The following CIDEB variants were observed in gnomAD, a reference collection of about 807,000 sequenced individuals.
The protein encoded by CIDEB is lipid transferase CIDEB.
In CIDEB, 27 loss-of-function variants were observed where a neutral mutation model predicts 22.4. The ratio of observed to expected loss-of-function variants is 1.21; its 90% CI spans 0.89 to 1.66. The LOEUF (loss-of-function observed/expected upper bound fraction) is 1.66. Among genes scored for constraint, CIDEB ranks in the 40% most tolerant of loss-of-function variants. The pLI, the probability that CIDEB is intolerant of heterozygous loss-of-function variation, is 0.00. For synonymous variants in CIDEB, 103 were observed against 109.5 expected (o/e 0.94, Z 0.37); for missense variants, 289 against 268.7 (o/e 1.08, Z -0.53).
chr14:24,307,784 A>C, intron 1 of CIDEB, 34 bp downstream of exon 1: 2 of 1,576,170 alleles, frequency 1.3e-6, no homozygotes, highest in Non-Finnish European at 1.7e-6. Context: ...ATATCCCCTA[A>C]AGGTGGAGGG....
chr14:24,306,043 C>T lies in CIDEB; in HGVS notation c.431G>A (p.Arg144Gln), dbSNP rs146036691. Residue 144 changes from arginine (R) to glutamine (Q), a missense_variant, in exon 4 of 5, where the codon CGA (arginine) becomes CAA (glutamine). By Grantham distance (43) the Arg-to-Gln change is conservative. Transcript: ENST00000554411. The stretch of plus-strand genomic sequence containing the variant: ...GACATTCAGGCTGCCAAAGAGGTCT[C>T]GAGGGTTTTGCTTGTACACGTCAAA... Reference protein sequence around the residue: ...FTFDVYKQNPRDLFGSLNVKA... With the variant: ...FTFDVYKQNPQDLFGSLNVKA... The T allele has an allele frequency of 5.0e-6, 8 of 1,614,146 alleles. No homozygotes were observed. Among genetic ancestry groups the T allele is most frequent in the East Asian group, 4.5e-5 (2 of 44,882 alleles).
chr14:24,310,172 C>T, upstream of CIDEB: 1 of 301,948 alleles, frequency 3.3e-6, no homozygotes, highest in Non-Finnish European at 6.3e-6. Context: ...ATGTGATAGG[C>T]ACAGGACAGG....
upstream of CIDEB, chr14:24,310,836 G>T (rs537147788): frequency 6.3e-7 from 1 of 1,595,280 alleles, no homozygotes; most frequent in East Asian, 2.2e-5. Flanking sequence ...ACCGCTGGCG[G>T]CCACGCTTGT....
rs1232822490 is a variant in CIDEB, at chr14:24,305,407, A to G, written c.*226T>C. ...ATCTTGGCCTTTCAGGGCAAGTGGG[A>G]GGCCAGAAAGGTGGCTAGGAAAGAA... On this transcript the variant is annotated 3_prime_UTR_variant, in exon 5 of 5. Coordinates refer to ENST00000554411, the MANE Select transcript of CIDEB (RefSeq NM_001393339.1). 3 of 602,162 alleles carry G rather than the reference A, an allele frequency of 5.0e-6. No individual in the cohort carries two copies. The highest frequency in any genetic ancestry group is 6.0e-5 in the East Asian group (2 of 33,234). The allele number at this position is 602,162 out of a possible 1,614,324, so 37.3% of individuals were successfully genotyped here. A position where few individuals can be genotyped will look rare whatever the true frequency, so the allele number is the denominator to read the frequency against.
chr14:24,305,831 G>A, intron 4 of CIDEB, 66 bp from the exon 5 acceptor site: 1 of 1,596,980 alleles, frequency 6.3e-7, no homozygotes, highest in South Asian at 1.1e-5. Flanking sequence ...ATCAAGCTGG[G>A]AGATGAGGAC....
upstream of CIDEB, chr14:24,310,949 G>A (rs776888832): frequency 5.7e-6 from 9 of 1,592,188 alleles, no homozygotes; most frequent in South Asian, 5.5e-5. Context: ...CGGGCTGCAA[G>A]GCGGTGTACT....
intron 3 of CIDEB, 31 bp downstream of exon 3, chr14:24,306,343 A>G (rs2139143352): frequency 6.2e-7 from 1 of 1,613,932 alleles, no homozygotes; most frequent in East Asian, 2.2e-5. Context: ...AAGGACAGGC[A>G]TTGGAAGCAG....
chr14:24,311,213 C>G, upstream of CIDEB: 1 of 1,609,246 alleles, frequency 6.2e-7, no homozygotes, highest in Non-Finnish European at 8.5e-7. Context: ...CCCACCTGAG[C>G]CTGGAGACTC....
upstream of CIDEB, chr14:24,310,093 A>T: frequency 6.1e-6 from 1 of 164,428 alleles, no homozygotes. Flanking sequence ...AGGGTGAGGG[A>T]GGGGCCCCAG....
At position 24,305,552 on chromosome 14, in the gene CIDEB, G is replaced by A; in HGVS notation, c.*81C>T. The A allele has an allele frequency of 2.6e-6, 4 of 1,529,336 alleles. No homozygotes were observed. The South Asian group carries it at 3.8e-5, about 15-fold the overall frequency. The allele number at this position is 1,529,336 out of a possible 1,614,324, so 94.7% of individuals were successfully genotyped here. A position where few individuals can be genotyped will look rare whatever the true frequency, so the allele number is the denominator to read the frequency against. On this transcript the variant is annotated 3_prime_UTR_variant, in exon 5 of 5. Coordinates refer to ENST00000554411, the MANE Select transcript of CIDEB (RefSeq NM_001393339.1). The stretch of plus-strand genomic sequence containing the variant: ...GTGGGTTATCTAGCCTGTACTGTCT[G>A]CAGGTCCTGAAATTTGATGCTGTCA...
At position 24,307,459 on chromosome 14, in the gene CIDEB, G is replaced by T; in HGVS notation, c.98C>A (p.Pro33Gln). 6.2e-7 allele frequency: 1 copy of T among 1,614,100 alleles called. No individual in the cohort carries two copies. The highest frequency in any genetic ancestry group is 8.5e-7 in the Non-Finnish European group (1 of 1,180,000). Residue 33 changes from proline (P) to glutamine (Q), a missense_variant, in exon 2 of 5, where the codon CCA becomes CAA. Coordinates refer to ENST00000554411, the MANE Select transcript of CIDEB (RefSeq NM_001393339.1). Reference sequence around the variant, plus strand: ...ACAGACACGGAAAGGTCGCTGGGGTGGTGGAGCTGAGGTCCAGACCCTCCG... The same window carrying T: ...ACAGACACGGAAAGGTCGCTGGGGTTGTGGAGCTGAGGTCCAGACCCTCCG... The part of the protein sequence containing the change: ...FGRRVWTSAP[P>Q]PQRPFRVCDH...
Position 24,307,938 on chromosome 14 carries a change from G to T in CIDEB, c.-80C>A. 1 of 1,296,198 alleles carries T rather than the reference G, an allele frequency of 7.7e-7. No homozygotes were observed. The highest frequency in any genetic ancestry group is 1.1e-6 in the Non-Finnish European group (1 of 914,390). 80.3% of individuals were successfully genotyped at this position (1,296,198 alleles called of 1,614,324 possible). A position where few individuals can be genotyped will look rare whatever the true frequency, so the allele number is the denominator to read the frequency against. On this transcript the variant is annotated 5_prime_UTR_variant, in exon 1 of 5. Transcript: ENST00000554411. ...TGCTGGGGCTTTAGTGGTGTTTTCT[G>T]TTACAAACCTGGGATCTCAGCCCAG... is the stretch of plus-strand genomic sequence containing the variant.
At chr14:24,310,271 C>T, upstream of CIDEB, 2 of 559,188 alleles carry the variant, frequency 3.6e-6, no homozygotes, top group East Asian at 3.0e-5. Flanking sequence ...TAGATCTGTG[C>T]ACGTCCCTTT....
rs889668057 is a variant in CIDEB, at chr14:24,306,150, C to T, written c.337-13G>A. 12 of 1,610,462 alleles carry T rather than the reference C, an allele frequency of 7.5e-6. No homozygotes were observed. The highest frequency in any genetic ancestry group is 1.0e-5 in the Non-Finnish European group (12 of 1,177,818). On this transcript the variant is annotated splice_polypyrimidine_tract_variant and intron_variant, in intron 3 of 4. Transcript: ENST00000554411. ...ACAGCACTCCACTCTGTAGGACACC[C>T]TTGTCAGTGCAGTAGATCCTCATAC... is the stretch of plus-strand genomic sequence containing the variant.
rs760795055 is a variant in CIDEB, at chr14:24,305,640, G to A, written c.653C>T (p.Ser218Phe). ...GCAGAAGCTCAGAGCCCCTTAGTAG[G>A]AATGGAGGCGGCCCTTCTGCTGCCA... ...EQWQQKGRLH[S>F]Y The change falls in exon 5 of 5, where the codon TCC becomes TTC. Residue 218 changes from serine to phenylalanine, a missense_variant. Coordinates refer to ENST00000554411, the MANE Select transcript of CIDEB (RefSeq NM_001393339.1). 5.6e-5 allele frequency: 91 copies of A among 1,612,864 alleles called. No homozygotes were observed. The highest frequency in any genetic ancestry group is 3.3e-4 in the Middle Eastern group (2 of 6,050).
intron 2 of CIDEB, chr14:24,307,123 C>G: frequency 2.5e-6 from 1 of 406,752 alleles, no homozygotes; most frequent in Non-Finnish European, 4.4e-6. Context: ...CCTTTCCATA[C>G]TAGCTTCTGA....
chr14:24,307,636 G>T, intron 1 of CIDEB, 121 bp from the exon 2 acceptor site: 1 of 1,230,320 alleles, frequency 8.1e-7, no homozygotes, highest in Non-Finnish European at 1.2e-6. Flanking sequence ...ATCGATTAGG[G>T]ATGAGGGAGA....
chr14:24,307,272 G>T, intron 2 of CIDEB, 99 bp downstream of exon 2: 1 of 1,319,556 alleles, frequency 7.6e-7, no homozygotes, highest in Non-Finnish European at 1.1e-6. Context: ...AGGGGCAGCT[G>T]TGTGACTTCA....
rs772488216 is a variant in CIDEB at position 24,307,926 on chromosome 14, G to A, written c.-68C>T. 2.5e-5 allele frequency: 35 copies of A among 1,408,572 alleles called. No individual in the cohort carries two copies. Among genetic ancestry groups the A allele is most frequent in the Non-Finnish European group, 3.3e-5 (34 of 1,015,966 alleles). The allele number at this position is 1,408,572 out of a possible 1,614,324, so 87.3% of individuals were successfully genotyped here. A position where few individuals can be genotyped will look rare whatever the true frequency, so the allele number is the denominator to read the frequency against. ...GGTTCTCTCCTGTGCTGGGGCTTTA[G>A]TGGTGTTTTCTGTTACAAACCTGGG... On this transcript the variant is annotated 5_prime_UTR_variant, in exon 1 of 5. Transcript: ENST00000554411.
Sources: gnomAD v4.1 joint callset for allele counts on GRCh38, gnomAD v4.1.1 for gene constraint, MANE v1.5 for transcripts, NCBI Gene and HGNC (gene_info 2026-07-23, HGNC 2026-07-21) for gene names.